The following EBF2 variants were observed in gnomAD, a reference collection of about 807,000 sequenced individuals.
EBF2 encodes the protein transcription factor COE2.
Under a neutral mutation model 72.8 loss-of-function variants are expected in EBF2, and 21 were observed. The observed-to-expected ratio is 0.29, with a 90% CI of 0.20 to 0.42. The LOEUF (loss-of-function observed/expected upper bound fraction) is 0.42. EBF2 is among the 10% of genes least tolerant of loss of function. EBF2 has a pLI of 1.00. For synonymous variants in EBF2, 299 were observed against 274.2 expected (o/e 1.09, Z -0.89); for missense variants, 637 against 731.2 (o/e 0.87, Z 1.49).
chr8:25,966,043 G>A (rs781755274), intron 6 of EBF2, among the ~76,000 whole-genome samples: 1 of 152,026 alleles, frequency 6.6e-6, no homozygotes, highest in Non-Finnish European at 1.5e-5. Context: ...GGGAGAAGTT[G>A]AAGAAAAAAA....
chr8:25,997,466 G>A (rs1429430516), intron 6 of EBF2, among the ~76,000 whole-genome samples: 1 of 151,776 alleles, frequency 6.6e-6, no homozygotes, highest in Non-Finnish European at 1.5e-5. Flanking sequence ...AGATATTCAG[G>A]AGGCTGAGGT....
At chr8:25,968,797 A>G (rs1804150681) in intron 6 of EBF2, among the ~76,000 whole-genome samples, 1 of 152,190 alleles carries the variant, frequency 6.6e-6, no homozygotes, top group East Asian at 1.9e-4. Context: ...ACCTCAAGTG[A>G]TATGCCCGCC....
In EBF2 at chr8:25,903,111, G is replaced by C. The variant is rs140106417; in HGVS notation, c.633+5363C>G. Among the ~76,000 whole-genome samples the C allele has an allele frequency of 6.2e-3, 945 of 151,574 alleles. 11 individuals are homozygous for C. Among genetic ancestry groups the C allele is most frequent in the Middle Eastern group, 0.014 (4 of 288 alleles). On this transcript the variant is annotated intron_variant, in intron 7 of 15. Coordinates refer to ENST00000520164, the MANE Select transcript of EBF2 (RefSeq NM_022659.4). ...ACATATATATTTATAGGGTTCATGA[G>C]ATATTCTGACACAGGCATACAATGC...
intron 6 of EBF2, among the ~76,000 whole-genome samples, chr8:25,983,840 A>G (rs897289335): frequency 6.6e-6 from 1 of 152,272 alleles, no homozygotes; most frequent in Non-Finnish European, 1.5e-5. Flanking sequence ...ATCAATGTCG[A>G]TTTAAAAATC....
At chr8:25,848,847 G>A (rs1240912966) in intron 15 of EBF2, among the ~76,000 whole-genome samples, 11 of 152,110 alleles carry the variant, frequency 7.2e-5, no homozygotes, top group Non-Finnish European at 1.0e-4. Context: ...GCCTCCACTC[G>A]GGTTAAGGTC....
At chr8:25,929,889 G>T (rs1485941490) in intron 6 of EBF2, among the ~76,000 whole-genome samples, 4 of 152,144 alleles carry the variant, frequency 2.6e-5, no homozygotes, top group Admixed American at 6.5e-5. Flanking sequence ...AAAAACAGAA[G>T]GGAAAAAGTA....
intron 10 of EBF2, among the ~76,000 whole-genome samples, chr8:25,875,751 C>T (rs1802510793): frequency 1.3e-5 from 2 of 152,286 alleles, no homozygotes; most frequent in African/African-American, 4.8e-5. Flanking sequence ...CAAAAAGTCT[C>T]TGCAACAGCC....
intron 6 of EBF2, among the ~76,000 whole-genome samples, chr8:25,971,960 T>G (rs1804197744): frequency 6.6e-6 from 1 of 152,072 alleles, no homozygotes; most frequent in Non-Finnish European, 1.5e-5. Context: ...CCAGGGCGCA[T>G]TGTTCCCCTT....
chr8:26,044,810 T>C lies in EBF2; in HGVS notation c.50A>G (p.Lys17Arg). The C allele has an allele frequency of 6.2e-7, 1 of 1,614,172 alleles. No individual in the cohort carries two copies. Among genetic ancestry groups the C allele is most frequent in the South Asian group, 1.1e-5 (1 of 91,082 alleles). The stretch of plus-strand genomic sequence containing the variant: ...CGAATCCATCTCCGCGCCCAGCGAT[T>C]TCTCTTTCAGAGTTGGTCCTCTTCC... The part of the protein sequence containing the change: ...TLGRGPTLKE[K>R]SLGAEMDSVR... Residue 17 changes from lysine (K) to arginine (R), a missense_variant, in exon 1 of 16, where the codon AAA becomes AGA. Lys to Arg is a conservative substitution (Grantham distance 26). Transcript: ENST00000520164. This position sits in a 1 kb window ranked among gnomAD's most constrained non-coding sequence, Gnocchi z 4.1.
chr8:25,911,220 G>A (rs1351912971), intron 6 of EBF2, among the ~76,000 whole-genome samples: 3 of 152,090 alleles, frequency 2.0e-5, no homozygotes, highest in Non-Finnish European at 4.4e-5. Context: ...ACTAAGAAAC[G>A]GGAAACCCAG....
In EBF2 at chr8:26,036,548, A is replaced by AT. The variant is rs5890278; in HGVS notation, c.483-3396dup. The stretch of plus-strand genomic sequence containing the variant: ...GTTAAGTTGGCCAAAGCAAATTATT[A>AT]TTTTTTTTTTTAGAAAAGTTCTCAC... On this transcript the variant is annotated intron_variant, in intron 5 of 15. Coordinates refer to ENST00000520164, the MANE Select transcript of EBF2 (RefSeq NM_022659.4). Among the ~76,000 whole-genome samples, 564 of 151,084 alleles carry AT rather than the reference A, an allele frequency of 3.7e-3. 3 individuals are homozygous for AT. Among genetic ancestry groups the AT allele is most frequent in the African/African-American group, 0.013 (548 of 41,192 alleles).
At chr8:25,865,336 A>G (rs925185106) in intron 10 of EBF2, among the ~76,000 whole-genome samples, 2 of 152,092 alleles carry the variant, frequency 1.3e-5, no homozygotes, top group Non-Finnish European at 2.9e-5. Context: ...TACTGTGAAT[A>G]TGGCTATTCA....
intron 14 of EBF2, among the ~76,000 whole-genome samples, chr8:25,853,865 T>C (rs1046658326): frequency 6.6e-6 from 1 of 151,996 alleles, no homozygotes; most frequent in African/African-American, 2.4e-5. Flanking sequence ...ACATAACACA[T>C]ACTAAGCCCC....
intron 10 of EBF2, among the ~76,000 whole-genome samples, chr8:25,871,082 C>G (rs1585269347): frequency 1.3e-5 from 2 of 152,294 alleles, no homozygotes; most frequent in Middle Eastern, 6.8e-3. Flanking sequence ...TTTGACAACT[C>G]TTTGGTTCCA....
At chr8:26,005,789 C>A (rs1804870295) in intron 6 of EBF2, among the ~76,000 whole-genome samples, 1 of 146,024 alleles carries the variant, frequency 6.8e-6, no homozygotes. Context: ...CAAGATCGCA[C>A]CACTGCACTC....
intron 10 of EBF2, among the ~76,000 whole-genome samples, chr8:25,877,527 C>T (rs776779576): frequency 1.3e-5 from 2 of 152,022 alleles, no homozygotes; most frequent in African/African-American, 2.4e-5. Context: ...TTCAGAGCCC[C>T]GATGTTGTTT....
rs1382432282 is a variant in EBF2 at position 25,858,441 on chromosome 8, T to C, written c.1406A>G (p.Gln469Arg). 1 of 1,614,066 alleles carries C rather than the reference T, an allele frequency of 6.2e-7. No homozygotes were observed. The highest frequency in any genetic ancestry group is 1.7e-5 in the Admixed American group (1 of 60,014). The change falls in exon 14 of 16, where the codon CAG becomes CGG. Residue 469 changes from glutamine (Q) to arginine (R), a missense_variant. By Grantham distance (43) the Gln-to-Arg change is conservative (BLOSUM62 1). Coordinates refer to ENST00000520164, the MANE Select transcript of EBF2 (RefSeq NM_022659.4). ...RGYSSSSTPQ[Q>R]SNYSTSSNSM... is the part of the protein sequence containing the mutation. ...GTTGCTGGAGGTACTGTAATTAGAC[T>C]GTTGAGGCGTGGAGCTGGAAGAGTA...
At chr8:25,987,564 G>A (rs1804481315) in intron 6 of EBF2, among the ~76,000 whole-genome samples, 1 of 152,184 alleles carries the variant, frequency 6.6e-6, no homozygotes, top group African/African-American at 2.4e-5. Context: ...TCATATCCAT[G>A]CCCTTCAACA....
At chr8:25,953,913 A>T (rs1239315911) in intron 6 of EBF2, among the ~76,000 whole-genome samples, 2 of 152,202 alleles carry the variant, frequency 1.3e-5, no homozygotes, top group Non-Finnish European at 2.9e-5. Context: ...GCCTCCCAGC[A>T]GCACATTAGG....
Sources: allele counts gnomAD v4.1 joint callset (sites outside exome capture counted in the v4.1 genomes callset), GRCh38; gene constraint gnomAD v4.1.1; non-coding constraint Gnocchi (gnomAD v3.1); transcripts MANE v1.5; gene names NCBI Gene and HGNC (gene_info 2026-07-23, HGNC 2026-07-21).